Variants in GPATCH3 observed in about 807,000 individuals in gnomAD.
GPATCH3 encodes the protein G patch domain-containing protein 3.
Under a neutral mutation model 53.2 loss-of-function variants are expected in GPATCH3, and 45 were observed. That is an observed-to-expected ratio of 0.85 (90% CI 0.67 to 1.08). The LOEUF (loss-of-function observed/expected upper bound fraction) is 1.08. GPATCH3 is among the 50% of genes least tolerant of loss of function. The probability of loss-of-function intolerance (pLI) is 0.00; values close to 1 mark genes in which losing one functional copy is unlikely to be tolerated. For missense variants in GPATCH3, 680 were observed against 687.2 expected (o/e 0.99, Z 0.12); for synonymous variants, 280 against 270.6 (o/e 1.03, Z -0.34).
At chr1:26,894,037 G>A (rs1167462207) in intron 3 of GPATCH3, among the ~76,000 whole-genome samples, 199 bp downstream of exon 3, 6 of 151,926 alleles carry the variant, frequency 3.9e-5, no homozygotes, top group South Asian at 2.1e-4. Context: ...TGTTGGGGGC[G>A]GGGCGGGGGG....
chr1:26,895,476 A>T (rs1361483305), intron 2 of GPATCH3, among the ~76,000 whole-genome samples: 4 of 140,722 alleles, frequency 2.8e-5, no homozygotes, highest in Non-Finnish European at 4.6e-5. Context: ...GTGAGCTGAG[A>T]TTGCACTACT....
At chr1:26,896,637 G>A (rs866613951) in intron 2 of GPATCH3, among the ~76,000 whole-genome samples, 12 of 150,542 alleles carry the variant, frequency 8.0e-5, no homozygotes, top group African/African-American at 2.7e-4. Context: ...GGAGGTGGAG[G>A]TTGCAGTGAG....
At chr1:26,899,186 G>A (rs190408015) in intron 1 of GPATCH3, among the ~76,000 whole-genome samples, 40 of 152,260 alleles carry the variant, frequency 2.6e-4, no homozygotes, top group African/African-American at 9.6e-4. Flanking sequence ...AACAGTATAG[G>A]CTCTGGAACA....
In GPATCH3 at chr1:26,900,430, C is replaced by T. The variant is rs188349277; in HGVS notation, c.13G>A (p.Gly5Ser). The T allele has an allele frequency of 6.2e-5, 99 of 1,608,916 alleles. No individual in the cohort carries two copies. The East Asian group carries it at 1.9e-3, about 31-fold the overall frequency. ...ACTGTCGCCTCCTCCTCCGCCTCGC[C>T]GGGCACCGCCATCTTGGATTGTCAC... MAVP[G>S]EAEEEATVYL... The change falls in exon 1 of 7, where the codon GGC becomes AGC. Residue 5 changes from glycine to serine, a missense_variant. Transcript: ENST00000361720.
chr1:26,891,532 A>G (rs2081925709), intron 6 of GPATCH3, among the ~76,000 whole-genome samples: 2 of 146,980 alleles, frequency 1.4e-5, no homozygotes, highest in Non-Finnish European at 3.1e-5. Flanking sequence ...AAAAAAAAAA[A>G]GTCAGATTTA....
rs746093577 is a variant in GPATCH3 at position 26,900,338 on chromosome 1, C to T, written c.105G>A (p.Gln35=). Residue 35 remains glutamine, a synonymous_variant, in exon 1 of 7, where the codon CAG becomes CAA. Transcript: ENST00000361720. The part of the protein sequence containing the change: ...RSAHLRSYFS[Q]FREERGGGFL... ...AGCCACCGCCGCGCTCTTCTCGGAA[C>T]TGGCTAAAATAGCTCCGTAAATGGG... 8 of 1,614,002 alleles carry T rather than the reference C, an allele frequency of 5.0e-6. No individual in the cohort carries two copies. The highest frequency in any genetic ancestry group is 4.0e-5 in the African/African-American group (3 of 74,928).
intron 2 of GPATCH3, 48 bp downstream of exon 2, chr1:26,897,253 C>T (rs899378252): frequency 5.1e-6 from 8 of 1,560,132 alleles, no homozygotes; most frequent in Admixed American, 1.7e-5. Flanking sequence ...TTAATGCCTT[C>T]GGCCTCTTTC....
rs769606643 is a variant in GPATCH3, at chr1:26,890,769, T to A, written c.*241A>T. 1.8e-5 allele frequency: 13 copies of A among 731,766 alleles called. No homozygotes were observed. The highest frequency in any genetic ancestry group is 7.2e-5 in the Admixed American group (4 of 55,924). The allele number at this position is 731,766 out of a possible 1,614,324, so 45.3% of individuals were successfully genotyped here. Reference sequence around the variant, plus strand: ...GGAGGCAAAGGGCAAGCCCAGAGATTAGGGTTAGAGACCAAAGACAAGCGG... The same window carrying A: ...GGAGGCAAAGGGCAAGCCCAGAGATAAGGGTTAGAGACCAAAGACAAGCGG... On this transcript the variant is annotated 3_prime_UTR_variant, in exon 7 of 7. Transcript: ENST00000361720.
At position 26,897,628 on chromosome 1, in the gene GPATCH3, C is replaced by T. The variant is rs374332621; in HGVS notation, c.549G>A (p.Glu183=). The T allele has an allele frequency of 6.2e-7, 1 of 1,614,214 alleles. No homozygotes were observed. Among genetic ancestry groups the T allele is most frequent in the Non-Finnish European group, 8.5e-7 (1 of 1,180,044 alleles). ...FTLADLKQLP[E]LNPPVLMPRG... is the part of the protein sequence containing the mutation. ...TGGGCATCAGCACTGGTGGGTTCAG[C>T]TCCGGCAGTTGCTTCAGGTCAGCCA... is the stretch of plus-strand genomic sequence containing the variant. Residue 183 remains glutamate, a synonymous_variant, in exon 2 of 7, where the codon GAG becomes GAA. Transcript: ENST00000361720.
At chr1:26,892,614 TTAAAG>T (rs1431781215) in intron 5 of GPATCH3, 51 bp downstream of exon 5, 9 of 1,608,608 alleles carry the variant, frequency 5.6e-6, no homozygotes, top group African/African-American at 5.3e-5. Context: ...GGAGAAGGAA[TTAAAG>T]TAGAGAAGGA....
At chr1:26,892,283 C>T (rs1449121300) in intron 6 of GPATCH3, 128 bp downstream of exon 6, 1 of 1,185,058 alleles carries the variant, frequency 8.4e-7, no homozygotes, top group Non-Finnish European at 1.2e-6. Flanking sequence ...TCCACTTTTT[C>T]CTCTTAACTG....
intron 3 of GPATCH3, among the ~76,000 whole-genome samples, chr1:26,893,799 G>A (rs1035747678): frequency 5.9e-5 from 9 of 152,092 alleles, no homozygotes; most frequent in African/African-American, 1.9e-4. Context: ...GATTACAGGC[G>A]TGAGCCACTG....
intron 2 of GPATCH3, among the ~76,000 whole-genome samples, chr1:26,896,314 A>AT (rs921749071): frequency 2.6e-3 from 377 of 144,514 alleles, no homozygotes; most frequent in Middle Eastern, 7.0e-3. Context: ...TTCATGTGGA[A>AT]TTTTTTTTTT....
At position 26,897,548 on chromosome 1, in the gene GPATCH3, C is replaced by T. The variant is rs781218597; in HGVS notation, c.629G>A (p.Arg210His). 38 of 1,614,026 alleles carry T rather than the reference C, an allele frequency of 2.4e-5. No individual in the cohort carries two copies. The highest frequency in any genetic ancestry group is 3.1e-5 in the Non-Finnish European group (36 of 1,180,010). The change falls in exon 2 of 7, where the codon CGC becomes CAC. Residue 210 changes from arginine (R) to histidine (H), a missense_variant. Coordinates refer to ENST00000361720, the MANE Select transcript of GPATCH3 (RefSeq NM_022078.3). The stretch of plus-strand genomic sequence containing the variant: ...CTGGGTGATGATCCGAGGGGGTAGG[C>T]GGCAGGCCCGGATCAACTCCAAAAA... ...RVFLELIRACRLPPRIITQLQ... is the reference protein window; with the variant it reads ...RVFLELIRACHLPPRIITQLQ...
At chr1:26,892,614 T>C (rs1366350040) in intron 5 of GPATCH3, 56 bp downstream of exon 5, 1 of 1,608,726 alleles carries the variant, frequency 6.2e-7, no homozygotes, top group Non-Finnish European at 8.5e-7. Context: ...GGAGAAGGAA[T>C]TAAAGTAGAG....
In GPATCH3 at chr1:26,900,433, G is replaced by A. The variant is rs755218164; in HGVS notation, c.10C>T (p.Pro4Ser). The A allele has an allele frequency of 7.5e-6, 12 of 1,608,792 alleles. No homozygotes were observed. The South Asian group carries it at 9.9e-5, about 13-fold the overall frequency. The stretch of plus-strand genomic sequence containing the variant: ...GTCGCCTCCTCCTCCGCCTCGCCGG[G>A]CACCGCCATCTTGGATTGTCACATG... The part of the protein sequence containing the change: MAV[P>S]GEAEEEATVY... Residue 4 changes from proline (P) to serine (S), a missense_variant, in exon 1 of 7, where the codon CCC becomes TCC. Physicochemically the swap from Pro to Ser is moderately conservative, Grantham distance 74. Transcript: ENST00000361720.
chr1:26,900,432 G>T lies in GPATCH3; in HGVS notation c.11C>A (p.Pro4His), dbSNP rs199535390. Residue 4 changes from proline to histidine, a missense_variant, in exon 1 of 7, where the codon CCC becomes CAC. Pro to His is a moderately conservative substitution (Grantham distance 77). Coordinates refer to ENST00000361720, the MANE Select transcript of GPATCH3 (RefSeq NM_022078.3). ...TGTCGCCTCCTCCTCCGCCTCGCCGGGCACCGCCATCTTGGATTGTCACAT... is the reference window on the plus strand; with the variant it reads ...TGTCGCCTCCTCCTCCGCCTCGCCGTGCACCGCCATCTTGGATTGTCACAT... MAVPGEAEEEATVY... is the reference protein window; with the variant it reads MAVHGEAEEEATVY... 14 of 1,609,144 alleles carry T rather than the reference G, an allele frequency of 8.7e-6. No homozygotes were observed. Among genetic ancestry groups the T allele is most frequent in the Non-Finnish European group, 1.2e-5 (14 of 1,176,792 alleles).
chr1:26,897,915 T>C (rs1000217807), intron 1 of GPATCH3, among the ~76,000 whole-genome samples, 190 bp from the exon 2 acceptor site: 5 of 152,112 alleles, frequency 3.3e-5, no homozygotes, highest in African/African-American at 4.8e-5. Context: ...GGCAGGAGGA[T>C]TGCTTGAGCT....
At chr1:26,898,608 T>G (rs1020853242) in intron 1 of GPATCH3, among the ~76,000 whole-genome samples, 1 of 152,052 alleles carries the variant, frequency 6.6e-6, no homozygotes, top group Admixed American at 6.6e-5. Flanking sequence ...ACCTCCTGCA[T>G]GTCTTCATAC....
Sources: allele counts gnomAD v4.1 joint callset (sites outside exome capture counted in the v4.1 genomes callset), GRCh38; gene constraint gnomAD v4.1.1; transcripts MANE v1.5; gene names NCBI Gene and HGNC (gene_info 2026-07-23, HGNC 2026-07-21).